The following ZNF483 variants were observed in gnomAD, a reference collection of about 807,000 sequenced individuals.
The protein encoded by ZNF483 is zinc finger protein 483.
In ZNF483, 9 loss-of-function variants were observed where a neutral mutation model predicts 28.6. That is an observed-to-expected ratio of 0.32 (90% CI 0.19 to 0.55). The LOEUF is 0.55. Among genes scored for constraint, ZNF483 ranks in the 20% least tolerant of loss-of-function variants. The pLI is 0.93. For synonymous variants in ZNF483, 322 were observed against 306.2 expected, an observed-to-expected ratio of 1.05 and a Z score of -0.54; for missense variants, 675 against 871.7, an observed-to-expected ratio of 0.77 and a Z score of 2.84.
At chr9:111,561,754 ATTTC>A (rs1357144705) in intron 5 of ZNF483, among the ~76,000 whole-genome samples, 11 of 151,502 alleles carry the variant, frequency 7.3e-5, no homozygotes, top group Admixed American at 1.3e-4. Flanking sequence ...TGCAGTGATT[ATTTC>A]TTCTGGCATA....
intron 5 of ZNF483, among the ~76,000 whole-genome samples, chr9:111,534,683 G>A (rs542246407): frequency 3.2e-4 from 48 of 151,482 alleles, no homozygotes; most frequent in African/African-American, 1.1e-3. Context: ...GGGCAGATTG[G>A]GTAGGAAAAG....
chr9:111,572,514 G>T (rs566965599), intron 5 of ZNF483, among the ~76,000 whole-genome samples: 2 of 151,940 alleles, frequency 1.3e-5, no homozygotes, highest in African/African-American at 4.8e-5. Flanking sequence ...CGCTTGAACC[G>T]GGGAGGCAGA....
In ZNF483 at chr9:111,544,378, A is replaced by C; in HGVS notation, c.*1208A>C. 3 of 932,476 alleles carry C rather than the reference A, an allele frequency of 3.2e-6. No individual in the cohort carries two copies. Among genetic ancestry groups the C allele is most frequent in the Non-Finnish European group, 3.8e-6 (3 of 787,808 alleles). The allele number at this position is 932,476 out of a possible 1,614,324, so 57.8% of individuals were successfully genotyped here. A position where few individuals can be genotyped will look rare whatever the true frequency, so the allele number is the denominator to read the frequency against. ...TGTGTGTGTGTGTGTGTGTGTATACATTGTTGCCACTATCTAAAATTAGGG... is the reference window on the plus strand; with the variant it reads ...TGTGTGTGTGTGTGTGTGTGTATACCTTGTTGCCACTATCTAAAATTAGGG... On this transcript the variant is annotated 3_prime_UTR_variant, in exon 6 of 6. Coordinates refer to ENST00000309235, the MANE Select transcript of ZNF483 (RefSeq NM_133464.5).
rs907805425 is a variant in ZNF483 at position 111,545,382 on chromosome 9, A to G, written c.*2212A>G. ...ATAACAATGTTTTATCCCAGTATCC[A>G]TTGGGAATCTGGAGTATAAACTTTT... On this transcript the variant is annotated 3_prime_UTR_variant, in exon 6 of 6. Coordinates refer to ENST00000309235, the MANE Select transcript of ZNF483 (RefSeq NM_133464.5). Among the ~76,000 whole-genome samples, 1 of 152,192 alleles carries G rather than the reference A, an allele frequency of 6.6e-6. No individual in the cohort carries two copies. Among genetic ancestry groups the G allele is most frequent in the African/African-American group, 2.4e-5 (1 of 41,458 alleles).
At position 111,545,672 on chromosome 9, in the gene ZNF483, G is replaced by A. The variant is rs1564599583; in HGVS notation, c.*2502G>A. Among the ~76,000 whole-genome samples, 1 of 152,072 alleles carries A rather than the reference G, an allele frequency of 6.6e-6. No homozygotes were observed. Among genetic ancestry groups the A allele is most frequent in the Non-Finnish European group, 1.5e-5 (1 of 68,010 alleles). On this transcript the variant is annotated 3_prime_UTR_variant, in exon 6 of 6. Coordinates refer to ENST00000309235, the MANE Select transcript of ZNF483 (RefSeq NM_133464.5). ...ATTTTATGTTATATGTGATCTTTCT[G>A]TGTTTTTTTCATTAATGTGTTTTAA...
Position 111,527,280 on chromosome 9 carries a change from T to G in ZNF483, c.-116T>G. On this transcript the variant is annotated 5_prime_UTR_variant, in exon 2 of 6. Coordinates refer to ENST00000309235, the MANE Select transcript of ZNF483 (RefSeq NM_133464.5). ...TTCTTCTTGACAGTTTCTGCAGGAC[T>G]GTAAACTGGATTCCTGGAACCTTTG... 1 of 1,138,210 alleles carries G rather than the reference T, an allele frequency of 8.8e-7. No homozygotes were observed. Among genetic ancestry groups the G allele is most frequent in the Non-Finnish European group, 1.2e-6 (1 of 800,398 alleles). The allele number at this position is 1,138,210 out of a possible 1,614,324, so 70.5% of individuals were successfully genotyped here. A position where few individuals can be genotyped will look rare whatever the true frequency, so the allele number is the denominator to read the frequency against.
In ZNF483 at chr9:111,551,044, C is replaced by G. The variant is rs976930896; in HGVS notation, c.*7874C>G. 5.9e-5 allele frequency among the ~76,000 whole-genome samples: 9 copies of G among 152,290 alleles called. No individual in the cohort carries two copies. The highest frequency in any genetic ancestry group is 2.2e-4 in the African/African-American group (9 of 41,578). ...TTTTAGGTACTTCAGCACCATCCAA[C>G]AGTAATATAATGTGAGCCACATACA... On this transcript the variant is annotated 3_prime_UTR_variant, in exon 6 of 6. Transcript: ENST00000309235.
At chr9:111,567,413 T>C (rs768059391) in intron 5 of ZNF483, among the ~76,000 whole-genome samples, 5 of 152,124 alleles carry the variant, frequency 3.3e-5, no homozygotes, top group Admixed American at 6.6e-5. Context: ...TCTCGATCTC[T>C]TGACCTTGTG....
chr9:111,528,555 T>C (rs993987158), intron 2 of ZNF483, among the ~76,000 whole-genome samples: 1 of 152,194 alleles, frequency 6.6e-6, no homozygotes, highest in East Asian at 1.9e-4. Context: ...TGTAGCTATT[T>C]ATGTTCTCAA....
At chr9:111,564,358 T>A (rs1359913789) in intron 5 of ZNF483, 2 of 443,762 alleles carry the variant, frequency 4.5e-6, no homozygotes, top group African/African-American at 4.3e-5. Flanking sequence ...TAGGTTTGAG[T>A]GCAGTGGCAC....
At chr9:111,536,337 G>A (rs1459697498) in intron 5 of ZNF483, among the ~76,000 whole-genome samples, 1 of 151,632 alleles carries the variant, frequency 6.6e-6, no homozygotes, top group Non-Finnish European at 1.5e-5. Flanking sequence ...GACTAACACG[G>A]TGAAACCCCG....
chr9:111,561,179 A>AGAGAGAGAGAGAG (rs1828309828), intron 5 of ZNF483, among the ~76,000 whole-genome samples: 2 of 45,540 alleles, frequency 4.4e-5, no homozygotes, highest in South Asian at 6.9e-4. Flanking sequence ...GAGAGAGAGA[A>AGAGAGAGAGAGAG]AGAGAGAGAG....
rs1407474940 is a variant in ZNF483 at position 111,548,943 on chromosome 9, T to C, written c.*5773T>C. On this transcript the variant is annotated 3_prime_UTR_variant, in exon 6 of 6. Coordinates refer to ENST00000309235, the MANE Select transcript of ZNF483 (RefSeq NM_133464.5). ...TTTATGTGATGATTTGCTTCTCTCTTGATGCTTTTGAGATTCTCCTTTTGT... is the reference window on the plus strand; with the variant it reads ...TTTATGTGATGATTTGCTTCTCTCTCGATGCTTTTGAGATTCTCCTTTTGT... Among the ~76,000 whole-genome samples the C allele has an allele frequency of 2.0e-5, 3 of 152,212 alleles. No homozygotes were observed. Among genetic ancestry groups the C allele is most frequent in the Admixed American group, 6.5e-5 (1 of 15,280 alleles).
chr9:111,547,684 G>A lies in ZNF483; in HGVS notation c.*4514G>A, dbSNP rs1453930603. On this transcript the variant is annotated 3_prime_UTR_variant, in exon 6 of 6. Coordinates refer to ENST00000309235, the MANE Select transcript of ZNF483 (RefSeq NM_133464.5). The stretch of plus-strand genomic sequence containing the variant: ...TTTTCTATTTTTTCTTTTGTTTCCT[G>A]TGCTTTTCTGGTCATACCCAAGAAA... Among the ~76,000 whole-genome samples the A allele has an allele frequency of 6.6e-6, 1 of 152,100 alleles. No individual in the cohort carries two copies. The highest frequency in any genetic ancestry group is 1.9e-4 in the East Asian group (1 of 5,190).
At chr9:111,562,848 G>T in intron 5 of ZNF483, 1 of 868,860 alleles carries the variant, frequency 1.2e-6, no homozygotes, top group Non-Finnish European at 1.5e-6. Context: ...AACATACAGT[G>T]TTTGGAAAAT....
chr9:111,558,095 C>T (rs1252370655), downstream of ZNF483, among the ~76,000 whole-genome samples: 5 of 152,018 alleles, frequency 3.3e-5, no homozygotes, highest in East Asian at 1.9e-4. Context: ...TGCACTAAGC[C>T]GAGATTGCAC....
chr9:111,538,429 G>T (rs1418602756), intron 5 of ZNF483, among the ~76,000 whole-genome samples: 1 of 151,424 alleles, frequency 6.6e-6, no homozygotes, highest in Non-Finnish European at 1.5e-5. Context: ...GTTAGAGGTT[G>T]CAGTGAGCTA....
intron 2 of ZNF483, among the ~76,000 whole-genome samples, chr9:111,530,355 G>A (rs1827291663): frequency 6.6e-6 from 1 of 152,148 alleles, no homozygotes; most frequent in Non-Finnish European, 1.5e-5. Flanking sequence ...CTGTTCATCT[G>A]TATCCTTTGT....
chr9:111,564,763 A>G (rs1352102536), intron 5 of ZNF483, among the ~76,000 whole-genome samples: 1 of 152,136 alleles, frequency 6.6e-6, no homozygotes, highest in Non-Finnish European at 1.5e-5. Context: ...CCAAATCCAT[A>G]TGTTTAAGTC....
Sources: gnomAD v4.1 joint callset for allele counts (sites outside exome capture counted in the v4.1 genomes callset) on GRCh38, gnomAD v4.1.1 for gene constraint, MANE v1.5 for transcripts, NCBI Gene and HGNC (gene_info 2026-07-23, HGNC 2026-07-21) for gene names.